MYRIP: variants seen among roughly 807,000 people sequenced by gnomAD.
MYRIP encodes the protein rab effector MyRIP.
In MYRIP, 49 loss-of-function variants were observed where a neutral mutation model predicts 98.0. The ratio of observed to expected loss-of-function variants is 0.50; its 90% CI spans 0.40 to 0.63. MYRIP has a LOEUF of 0.63. Ranked by LOEUF, MYRIP falls within the 30% of genes least tolerant of loss-of-function variation. The pLI, the probability that MYRIP is intolerant of heterozygous loss-of-function variation, is 0.00. For missense variants in MYRIP, 1,004 were observed against 1,058.2 expected (o/e 0.95, Z 0.71); for synonymous variants, 404 against 409.5 (o/e 0.99, Z 0.16).
At chr3:39,832,817 AAT>A (rs1406979823) in intron 1 of MYRIP, among the ~76,000 whole-genome samples, 1 of 152,174 alleles carries the variant, frequency 6.6e-6, no homozygotes, top group African/African-American at 2.4e-5. Context: ...CAGGTGCCTG[AAT>A]ATATATCTTT....
At chr3:40,050,542 A>G (rs1404855484) in intron 3 of MYRIP, among the ~76,000 whole-genome samples, 1 of 152,156 alleles carries the variant, frequency 6.6e-6, no homozygotes, top group African/African-American at 2.4e-5. Flanking sequence ...ATGAAAATAT[A>G]CAAGGAGATG....
chr3:39,869,424 C>G (rs920554936), intron 1 of MYRIP, among the ~76,000 whole-genome samples: 13 of 152,024 alleles, frequency 8.6e-5, no homozygotes, highest in Non-Finnish European at 1.5e-5. Context: ...TAATTTCTAT[C>G]TCTCTATTGA....
chr3:40,252,773 A>AG (rs1320944252), intron 16 of MYRIP, among the ~76,000 whole-genome samples: 5 of 152,210 alleles, frequency 3.3e-5, no homozygotes. Flanking sequence ...ATCTTAGTTC[A>AG]GCTTTAAACT....
At chr3:40,092,232 C>G (rs1336376703) in intron 3 of MYRIP, among the ~76,000 whole-genome samples, 1 of 152,118 alleles carries the variant, frequency 6.6e-6, no homozygotes, top group African/African-American at 2.4e-5. Flanking sequence ...ATTCAGAGAC[C>G]CTGCCTAGAG....
At chr3:40,051,064 TA>T (rs1406720981) in intron 3 of MYRIP, among the ~76,000 whole-genome samples, 1 of 152,192 alleles carries the variant, frequency 6.6e-6, no homozygotes, top group Non-Finnish European at 1.5e-5. Context: ...AAAAATGATT[TA>T]GAATAGTTCA....
chr3:39,833,099 G>C (rs558400832), intron 1 of MYRIP, among the ~76,000 whole-genome samples: 1 of 152,260 alleles, frequency 6.6e-6, no homozygotes, highest in South Asian at 2.1e-4. Context: ...ATATGCTTGA[G>C]ATAAAGTGTT....
rs142958082 is a variant in MYRIP, at chr3:39,958,019, G to A, written c.110+57093G>A. Among the ~76,000 whole-genome samples, 1,378 of 152,214 alleles carry A rather than the reference G, an allele frequency of 9.1e-3. 13 individuals are homozygous for A. Among genetic ancestry groups the A allele is most frequent in the African/African-American group, 0.032 (1,322 of 41,512 alleles). ...GGAGAACTACAAACCAGTGCTCCAC[G>A]AAATAAAAGAGGATACAAACAAATG... On this transcript the variant is annotated intron_variant, in intron 2 of 16. Transcript: ENST00000302541.
At chr3:40,101,391 A>G (rs2371132) in intron 3 of MYRIP, among the ~76,000 whole-genome samples, 32,084 of 152,012 alleles carry the variant, frequency 0.21, 3,607 homozygotes, top group South Asian at 0.33. Flanking sequence ...AACTTCACCA[A>G]TGTCTTTCCT....
In MYRIP at chr3:40,212,211, T is replaced by TACAC. The variant is rs1559456746; in HGVS notation, c.1905+2118_1905+2119insACAC. Among the ~76,000 whole-genome samples, 9 of 56,640 alleles carry TACAC rather than the reference T, an allele frequency of 1.6e-4. 2 individuals carry two copies. Among genetic ancestry groups the TACAC allele is most frequent in the East Asian group, 6.6e-4 (2 of 3,028 alleles). The allele number at this position is 56,640 out of a possible 152,430, so 37.2% of individuals were successfully genotyped here. On this transcript the variant is annotated intron_variant, in intron 11 of 16. Coordinates refer to ENST00000302541, the MANE Select transcript of MYRIP (RefSeq NM_015460.4). ...GTGTATATACATATATATACGTGTG[T>TACAC]GTATATATATATATACACACACACA...
intron 1 of MYRIP, among the ~76,000 whole-genome samples, chr3:39,860,126 C>A (rs956366145): frequency 6.6e-6 from 1 of 152,224 alleles, no homozygotes; most frequent in African/African-American, 2.4e-5. Context: ...CACACACATA[C>A]ACAAAACTGT....
At chr3:39,814,948 A>G (rs967240093) in intron 1 of MYRIP, among the ~76,000 whole-genome samples, 1 of 152,198 alleles carries the variant, frequency 6.6e-6, no homozygotes, top group African/African-American at 2.4e-5. Context: ...AATATTCTCC[A>G]TAAAGTTCTG....
chr3:40,028,264 C>T (rs909659436), intron 2 of MYRIP, among the ~76,000 whole-genome samples: 1 of 152,106 alleles, frequency 6.6e-6, no homozygotes, highest in African/African-American at 2.4e-5. Context: ...AAGGAGACTA[C>T]ACCAGATGTA....
intron 3 of MYRIP, among the ~76,000 whole-genome samples, chr3:40,141,155 G>A (rs2125561489): frequency 6.6e-6 from 1 of 152,192 alleles, no homozygotes; most frequent in East Asian, 1.9e-4. Context: ...AAATAAGTGA[G>A]AACATGCAAC....
chr3:40,197,805 T>C lies in MYRIP; in HGVS notation c.1665+7342T>C, dbSNP rs563200992. On this transcript the variant is annotated intron_variant, in intron 10 of 16. Transcript: ENST00000302541. ...AACTTGTTTCCTTCTCTCTGCAGTATTTTTCCATGGGTTCCACATTAACTT... is the reference window on the plus strand; with the variant it reads ...AACTTGTTTCCTTCTCTCTGCAGTACTTTTCCATGGGTTCCACATTAACTT... Among the ~76,000 whole-genome samples the C allele has an allele frequency of 4.6e-5, 7 of 152,336 alleles. No individual in the cohort carries two copies. The South Asian group carries it at 6.2e-4, about 14-fold the overall frequency.
chr3:39,878,950 C>T (rs1339454154), intron 1 of MYRIP, among the ~76,000 whole-genome samples: 1 of 151,524 alleles, frequency 6.6e-6, no homozygotes, highest in African/African-American at 2.4e-5. Flanking sequence ...CCTGTAGTCC[C>T]AGCTACTTGG....
At chr3:39,983,089 TTAATCCA>T (rs1163462104) in intron 2 of MYRIP, among the ~76,000 whole-genome samples, 1 of 152,252 alleles carries the variant, frequency 6.6e-6, no homozygotes, top group Non-Finnish European at 1.5e-5. Context: ...TTGATGAGGC[TTAATCCA>T]TAACCAAATA....
chr3:39,872,230 C>T (rs1168425441), intron 1 of MYRIP, among the ~76,000 whole-genome samples: 1 of 151,728 alleles, frequency 6.6e-6, no homozygotes, highest in Non-Finnish European at 1.5e-5. Flanking sequence ...TTAATAATTC[C>T]AACAGTCTCT....
intron 11 of MYRIP, among the ~76,000 whole-genome samples, chr3:40,222,209 T>C: frequency 6.6e-6 from 1 of 152,214 alleles, no homozygotes; most frequent in East Asian, 1.9e-4. Context: ...TGCAGTCATA[T>C]TTACATAAAT....
At chr3:39,902,298 T>C (rs1342382546) in intron 2 of MYRIP, among the ~76,000 whole-genome samples, 1 of 152,200 alleles carries the variant, frequency 6.6e-6, no homozygotes, top group East Asian at 1.9e-4. Context: ...AATTAAAATG[T>C]CATGGAAAAG....
Sources: gnomAD v4.1 joint callset for allele counts (sites outside exome capture counted in the v4.1 genomes callset) on GRCh38, gnomAD v4.1.1 for gene constraint, MANE v1.5 for transcripts, NCBI Gene and HGNC (gene_info 2026-07-23, HGNC 2026-07-21) for gene names.